The following MAPK10 variants were observed in gnomAD, a reference collection of about 807,000 sequenced individuals.
The protein encoded by MAPK10 is JNK3 alpha protein kinase.
In MAPK10, 25 loss-of-function variants were observed where a neutral mutation model predicts 59.3. That is an observed-to-expected ratio of 0.42 (90% confidence interval 0.31 to 0.59). The LOEUF (loss-of-function observed/expected upper bound fraction) is 0.59, where lower values mean the gene tolerates loss of function less well. Ranked by LOEUF, MAPK10 falls within the 20% of genes least tolerant of loss-of-function variation. MAPK10 has a pLI of 0.15. For synonymous variants in MAPK10, 190 were observed against 200.5 expected, an observed-to-expected ratio of 0.95 and a Z score of 0.44; for missense variants, 351 against 568.9, an observed-to-expected ratio of 0.62 and a Z score of 3.90.
chr4:86,361,411 G>C (rs1326060987), upstream of MAPK10, among the ~76,000 whole-genome samples: 10 of 152,122 alleles, frequency 6.6e-5, no homozygotes, highest in Admixed American at 6.6e-4. Flanking sequence ...ACTACCTCAT[G>C]CAAAAATATG....
intron 2 of MAPK10, among the ~76,000 whole-genome samples, chr4:86,239,930 T>G (rs560251128): frequency 6.6e-6 from 1 of 152,298 alleles, no homozygotes; most frequent in African/African-American, 2.4e-5. Context: ...CTAGCTCTTT[T>G]AATTGTGATG....
intron 3 of MAPK10, among the ~76,000 whole-genome samples, chr4:86,184,203 G>T (rs1032150925): frequency 5.9e-5 from 9 of 152,154 alleles, no homozygotes. Context: ...TTTTAGACAT[G>T]AAGTCCTTGC....
At chr4:86,152,500 A>C (rs1357252050) in intron 4 of MAPK10, 1 of 152,190 alleles carries the variant, frequency 6.6e-6, no homozygotes, top group Non-Finnish European at 1.5e-5. Context: ...TTTAAATTCC[A>C]TCACAGGAGA....
chr4:86,079,094 T>A (rs1291398083), intron 9 of MAPK10, among the ~76,000 whole-genome samples: 1 of 152,170 alleles, frequency 6.6e-6, no homozygotes, highest in African/African-American at 2.4e-5. Context: ...TAACAGGAAA[T>A]ATGAATAAGT....
intron 2 of MAPK10, among the ~76,000 whole-genome samples, chr4:86,236,193 T>C (rs1050977437): frequency 6.6e-6 from 1 of 152,208 alleles, no homozygotes; most frequent in Admixed American, 6.5e-5. Context: ...GTGATTATAT[T>C]GGGCCCACTT....
At chr4:86,581,795 A>C (rs1762290374) in intron 1 of MAPK10, among the ~76,000 whole-genome samples, 1 of 149,234 alleles carries the variant, frequency 6.7e-6, no homozygotes, top group Non-Finnish European at 1.5e-5. Flanking sequence ...AATTTTTAAA[A>C]ACATTATTAA....
rs928227406 is a variant in MAPK10, at chr4:86,583,771, A to T, written c.-263+10139T>A. ...ATAGTCTTTCTGATGCACTGCCCTA[A>T]AAGAGTTCATATTCTGAGAAAAATA... On this transcript the variant is annotated intron_variant, in intron 1 of 4. Coordinates refer to the MAPK10 transcript ENST00000502302. Among the ~76,000 whole-genome samples the T allele has an allele frequency of 3.3e-5, 5 of 152,214 alleles. No homozygotes were observed. In the East Asian group the frequency reaches 9.6e-4, roughly 29 times the overall value.
chr4:86,162,890 G>T (rs916074674), intron 3 of MAPK10, among the ~76,000 whole-genome samples: 1 of 152,090 alleles, frequency 6.6e-6, no homozygotes, highest in Admixed American at 6.6e-5. Flanking sequence ...GATGCACACT[G>T]GAGAAACAGG....
chr4:86,447,209 G>A (rs955691008), intron 1 of MAPK10, among the ~76,000 whole-genome samples: 22 of 152,082 alleles, frequency 1.4e-4, no homozygotes, highest in Admixed American at 1.0e-3. Context: ...TCTTGTGATC[G>A]TGAGAGAATT....
chr4:86,534,834 A>G (rs565533400), intron 1 of MAPK10, among the ~76,000 whole-genome samples: 25 of 152,190 alleles, frequency 1.6e-4, no homozygotes, highest in Non-Finnish European at 2.1e-4. Context: ...TGAACCCAGG[A>G]GGCGGAGGTT....
chr4:86,410,192 A>C (rs1453963534), intron 1 of MAPK10, among the ~76,000 whole-genome samples: 1 of 152,092 alleles, frequency 6.6e-6, no homozygotes, highest in African/African-American at 2.4e-5. Flanking sequence ...TGTTTATGTG[A>C]TGGATGATGT....
intron 2 of MAPK10, among the ~76,000 whole-genome samples, chr4:86,258,971 A>T (rs1029404381): frequency 1.3e-5 from 2 of 152,158 alleles, no homozygotes; most frequent in Non-Finnish European, 2.9e-5. Context: ...GTAGCATATA[A>T]GCTAATTTGC....
intron 4 of MAPK10, among the ~76,000 whole-genome samples, chr4:86,144,160 T>C (rs555402145): frequency 1.3e-5 from 2 of 152,272 alleles, no homozygotes; most frequent in African/African-American, 4.8e-5. Flanking sequence ...CCACAGCACA[T>C]GCACTTATAA....
chr4:86,483,917 G>A (rs1197245343), intron 1 of MAPK10, among the ~76,000 whole-genome samples: 3 of 152,170 alleles, frequency 2.0e-5, no homozygotes, highest in Admixed American at 2.0e-4. Context: ...TAAAGAATAA[G>A]AGGTAGCCAG....
intron 1 of MAPK10, among the ~76,000 whole-genome samples, chr4:86,355,116 C>T (rs1564671072): frequency 6.6e-6 from 1 of 152,184 alleles, no homozygotes; most frequent in Non-Finnish European, 1.5e-5. Context: ...TCTGAAGAGA[C>T]CTGTATTTAT....
intron 1 of MAPK10, among the ~76,000 whole-genome samples, chr4:86,568,169 C>A (rs994276521): frequency 1.8e-4 from 28 of 152,126 alleles, no homozygotes; most frequent in African/African-American, 6.7e-4. Flanking sequence ...AGCTGAGAAC[C>A]AAGTCAGAAC....
At chr4:86,096,896 A>G (rs2054323573) in intron 9 of MAPK10, among the ~76,000 whole-genome samples, 1 of 152,028 alleles carries the variant, frequency 6.6e-6, no homozygotes, top group African/African-American at 2.4e-5. Flanking sequence ...TGGAGCAAAC[A>G]GAGATTCAAG....
rs2041429139 is a variant in MAPK10 at position 86,041,134 on chromosome 4, G to A, written c.1111-9703C>T. The A allele has an allele frequency of 2.6e-5, 4 of 152,138 alleles. No individual in the cohort carries two copies. The South Asian group carries it at 8.3e-4, about 32-fold the overall frequency. 9.4% of individuals were successfully genotyped at this position (152,138 alleles called of 1,614,324 possible). On this transcript the variant is annotated intron_variant, in intron 11 of 13. Transcript: ENST00000641462. ...TATATCTTTACCATGAAGGTGAAAA[G>A]AAAAAAACTACTAAGAATAACAATA...
chr4:86,295,968 G>A (rs1348704428), intron 2 of MAPK10, among the ~76,000 whole-genome samples: 1 of 151,188 alleles, frequency 6.6e-6, no homozygotes, highest in African/African-American at 2.4e-5. Flanking sequence ...CTGAGGTCAG[G>A]AGTTTGAGTC....
Sources: allele counts gnomAD v4.1 joint callset (sites outside exome capture counted in the v4.1 genomes callset), GRCh38; gene constraint gnomAD v4.1.1; transcripts MANE v1.5; gene names NCBI Gene and HGNC (gene_info 2026-07-23, HGNC 2026-07-21).